Variants in RYR2 observed in about 807,000 individuals in gnomAD.
RYR2 encodes ryanodine receptor 2.
RYR2 carries 227 observed loss-of-function variants against 601.1 expected under a neutral mutation model. The observed-to-expected ratio is 0.38, with a 90% CI of 0.34 to 0.42. The LOEUF (loss-of-function observed/expected upper bound fraction) is 0.42, where lower values mean the gene tolerates loss of function less well. RYR2 is among the 10% of genes least tolerant of loss of function. The probability of loss-of-function intolerance (pLI) is 1.00; values close to 1 mark genes in which losing one functional copy is unlikely to be tolerated. For missense variants in RYR2, 4,646 were observed against 6,156.5 expected (o/e 0.75, Z 8.21); for synonymous variants, 2,223 against 2,175.1 (o/e 1.02, Z -0.61).
intron 11 of RYR2, among the ~76,000 whole-genome samples, chr1:237,418,188 A>G (rs1572232080): frequency 6.6e-6 from 1 of 151,974 alleles, no homozygotes; most frequent in Non-Finnish European, 1.5e-5. Context: ...GACTACAGGC[A>G]CCTGCCACCA....
chr1:237,067,445 C>T (rs1322076431), intron 1 of RYR2, among the ~76,000 whole-genome samples: 1 of 152,112 alleles, frequency 6.6e-6, no homozygotes, highest in Non-Finnish European at 1.5e-5. Context: ...TTTGTTCATA[C>T]TTGTGCAGGG....
chr1:237,710,979 A>G (rs1688789327), intron 70 of RYR2, among the ~76,000 whole-genome samples: 1 of 152,300 alleles, frequency 6.6e-6, no homozygotes, highest in Non-Finnish European at 1.5e-5. Flanking sequence ...TCATGGGAAA[A>G]TAGGGGGAGC....
At position 237,819,260 on chromosome 1, in the gene RYR2, T is replaced by C; in HGVS notation, c.14590+68T>C. The stretch of plus-strand genomic sequence containing the variant: ...GAGCCACATGTTGCTGAAGTTAATA[T>C]TCAAGGTAGGGTAATGACGTCAAGT... On this transcript the variant is annotated intron_variant, in intron 101 of 104. Transcript: ENST00000366574. This position sits in a 1 kb window ranked among gnomAD's most constrained non-coding sequence, Gnocchi z 4.0. 6.9e-7 allele frequency: 1 copy of C among 1,454,240 alleles called. No individual in the cohort carries two copies. Among genetic ancestry groups the C allele is most frequent in the Non-Finnish European group, 9.6e-7 (1 of 1,045,578 alleles). The allele number at this position is 1,454,240 out of a possible 1,614,324, so 90.1% of individuals were successfully genotyped here. A position where few individuals can be genotyped will look rare whatever the true frequency, so the allele number is the denominator to read the frequency against.
At chr1:237,785,872 T>C (rs984008223) in intron 90 of RYR2, 97 bp from the exon 91 acceptor site, 3 of 858,172 alleles carry the variant, frequency 3.5e-6, no homozygotes, top group Admixed American at 2.0e-5. Flanking sequence ...GGGTATCTTA[T>C]ATAGGTTATG....
At chr1:237,799,823 G>A (rs572791289) in intron 97 of RYR2, among the ~76,000 whole-genome samples, 1 of 152,264 alleles carries the variant, frequency 6.6e-6, no homozygotes, top group East Asian at 1.9e-4. Context: ...TCCTGGGGGT[G>A]GAATAGCTGC....
chr1:237,325,828 AAGG>A (rs1696117490), intron 2 of RYR2, among the ~76,000 whole-genome samples: 1 of 152,188 alleles, frequency 6.6e-6, no homozygotes, highest in African/African-American at 2.4e-5. Context: ...ACGTCCCTAC[AAGG>A]AGATGTTTTT....
intron 17 of RYR2, among the ~76,000 whole-genome samples, chr1:237,478,990 A>G (rs1271007397): frequency 6.6e-6 from 1 of 152,252 alleles, no homozygotes; most frequent in Non-Finnish European, 1.5e-5. Flanking sequence ...GTAGAATTTC[A>G]GTGAAAGTGA....
intron 1 of RYR2, among the ~76,000 whole-genome samples, chr1:237,194,401 G>C (rs1348830623): frequency 6.6e-6 from 1 of 152,198 alleles, no homozygotes; most frequent in Non-Finnish European, 1.5e-5. Context: ...GCGGCAAGGA[G>C]CTCATAGTGC....
rs1305528389 is a variant in RYR2, at chr1:237,350,617, ATATATATATATATATATC to A, written c.274-5346_274-5329del. ...AAAAAAAAAAAATATATATATATAT[ATATATATATATATATATC>A]TCTGACCTCTGAGAAAGAATTTAGG... On this transcript the variant is annotated intron_variant, in intron 3 of 104. Coordinates refer to ENST00000366574, the MANE Select transcript of RYR2 (RefSeq NM_001035.3). 7.2e-3 allele frequency among the ~76,000 whole-genome samples: 779 copies of A among 108,780 alleles called. 20 individuals are homozygous for A. The highest frequency in any genetic ancestry group is 0.028 in the African/African-American group (732 of 26,604). 71.4% of individuals were successfully genotyped at this position (108,780 alleles called of 152,430 possible).
chr1:237,232,193 T>C (rs780771879), intron 1 of RYR2, among the ~76,000 whole-genome samples: 1 of 152,096 alleles, frequency 6.6e-6, no homozygotes, highest in Non-Finnish European at 1.5e-5. Flanking sequence ...AGAACCTAGG[T>C]AGCTTCAGAA....
intron 1 of RYR2, among the ~76,000 whole-genome samples, chr1:237,123,761 G>A (rs1012147316): frequency 7.1e-4 from 105 of 147,370 alleles, no homozygotes; most frequent in Non-Finnish European, 1.3e-3. Context: ...TCCGCTTCCC[G>A]GGTTCACGCC....
intron 1 of RYR2, among the ~76,000 whole-genome samples, chr1:237,061,913 T>C (rs1043792892): frequency 1.2e-4 from 18 of 152,274 alleles, no homozygotes; most frequent in African/African-American, 4.1e-4. Flanking sequence ...AGAATTGATA[T>C]TTTGTTTATA....
rs191789419 is a variant in RYR2, at chr1:237,043,535, T to C, written c.48+966T>C. Among the ~76,000 whole-genome samples the C allele has an allele frequency of 3.9e-5, 6 of 152,216 alleles. No homozygotes were observed. The East Asian group carries it at 1.2e-3, about 30-fold the overall frequency. The stretch of plus-strand genomic sequence containing the variant: ...TGCAGATACTTCCCAGGCTGAGGCA[T>C]TGCACACCTCCAAGCTGGGACTGGA... On this transcript the variant is annotated intron_variant, in intron 1 of 104. Coordinates refer to ENST00000366574, the MANE Select transcript of RYR2 (RefSeq NM_001035.3).
At chr1:237,512,570 G>GT (rs1178667316) in intron 24 of RYR2, among the ~76,000 whole-genome samples, 1 of 152,114 alleles carries the variant, frequency 6.6e-6, no homozygotes, top group Non-Finnish European at 1.5e-5. Flanking sequence ...TTTTGTTTTA[G>GT]TTTTTTAAGG....
chr1:237,326,666 G>A (rs916263526), intron 2 of RYR2, among the ~76,000 whole-genome samples: 2 of 152,184 alleles, frequency 1.3e-5, no homozygotes, highest in African/African-American at 2.4e-5. Flanking sequence ...GGCAAGGAAC[G>A]TTCTTTCACA....
intron 20 of RYR2, among the ~76,000 whole-genome samples, chr1:237,497,587 G>A (rs1197415753): frequency 6.6e-6 from 1 of 152,142 alleles, no homozygotes; most frequent in African/African-American, 2.4e-5. Context: ...TTTAGCATAT[G>A]GAAGATGCAG....
At chr1:237,560,575 C>T (rs1434242473) in intron 27 of RYR2, among the ~76,000 whole-genome samples, 1 of 152,204 alleles carries the variant, frequency 6.6e-6, no homozygotes, top group African/African-American at 2.4e-5. Flanking sequence ...GGTGATGCAG[C>T]AGGAGCAAAT....
At chr1:237,491,664 T>C in intron 17 of RYR2, 142 bp from the exon 18 acceptor site, 1 of 559,718 alleles carries the variant, frequency 1.8e-6, no homozygotes. Context: ...CTGTCACCTA[T>C]CACAGTGCCT....
chr1:237,583,186 A>G (rs1674129901), intron 29 of RYR2, among the ~76,000 whole-genome samples: 1 of 152,034 alleles, frequency 6.6e-6, no homozygotes, highest in Non-Finnish European at 1.5e-5. Context: ...TAGCAATGGG[A>G]ACATTTTTTC....
Sources: allele counts gnomAD v4.1 joint callset (sites outside exome capture counted in the v4.1 genomes callset), GRCh38; gene constraint gnomAD v4.1.1; non-coding constraint Gnocchi (gnomAD v3.1); transcripts MANE v1.5; gene names NCBI Gene and HGNC (gene_info 2026-07-23, HGNC 2026-07-21).